Variants in ADAM12 observed in about 807,000 individuals in gnomAD.
ADAM12 encodes disintegrin and metalloproteinase domain-containing protein 12.
Under a neutral mutation model 106.4 loss-of-function variants are expected in ADAM12, and 70 were observed. The observed-to-expected ratio is 0.66, with a 90% CI of 0.54 to 0.80. ADAM12 has a LOEUF of 0.80. Among genes scored for constraint, ADAM12 ranks in the 30% least tolerant of loss-of-function variants. The pLI, the probability that ADAM12 is intolerant of heterozygous loss-of-function variation, is 0.00. For synonymous variants in ADAM12, 420 were observed against 433.5 expected (o/e 0.97, Z 0.39); for missense variants, 1,010 against 1,171.9 (o/e 0.86, Z 2.02).
At chr10:126,152,549 C>G (rs765539249) in intron 4 of ADAM12, among the ~76,000 whole-genome samples, 107 of 151,690 alleles carry the variant, frequency 7.1e-4, no homozygotes, top group Non-Finnish European at 1.4e-3. Context: ...GATGTTACCA[C>G]TACAGCAGCT....
At chr10:126,032,713 A>G (rs1403324637) in intron 21 of ADAM12, among the ~76,000 whole-genome samples, 1 of 152,184 alleles carries the variant, frequency 6.6e-6, no homozygotes, top group Non-Finnish European at 1.5e-5. Flanking sequence ...AAATGCTAAT[A>G]TTGGTGCATT....
chr10:126,131,104 CTTTTTTTTTTTTTTTTT>C (rs71029289), intron 5 of ADAM12, among the ~76,000 whole-genome samples: 2 of 100,936 alleles, frequency 2.0e-5, no homozygotes, highest in Admixed American at 1.1e-4. Flanking sequence ...CAGCTGTCTT[CTTTTTTTTTTTTTTTTT>C]TTTTTTTTTT....
chr10:126,049,924 T>C lies in ADAM12; in HGVS notation c.1610-255A>G, dbSNP rs36150587. Among the ~76,000 whole-genome samples the C allele has an allele frequency of 0.25, 38,051 of 151,208 alleles. 5,711 individuals are homozygous for C. The highest frequency in any genetic ancestry group is 0.54 in the East Asian group (2,780 of 5,112). On this transcript the variant is annotated intron_variant, in intron 14 of 22. Coordinates refer to ENST00000448723, the MANE Select transcript of ADAM12 (RefSeq NM_001288973.2). The surrounding 1 kb of genome is among the most constrained non-coding windows in gnomAD (Gnocchi z 4.4). Reference sequence around the variant, plus strand: ...AGGTCTGCTCTCTGGGCTTGTGGCATGTGTGGCCTCTCAGGAAATGAGGCC... The same window carrying C: ...AGGTCTGCTCTCTGGGCTTGTGGCACGTGTGGCCTCTCAGGAAATGAGGCC...
intron 3 of ADAM12, among the ~76,000 whole-genome samples, chr10:126,233,179 G>A (rs1958346662): frequency 6.6e-6 from 1 of 152,156 alleles, no homozygotes; most frequent in Non-Finnish European, 1.5e-5. Flanking sequence ...GTGTGCGGGA[G>A]AAGAACAGCC....
At chr10:126,180,214 A>C (rs1243006557) in intron 3 of ADAM12, among the ~76,000 whole-genome samples, 1 of 152,238 alleles carries the variant, frequency 6.6e-6, no homozygotes, top group Non-Finnish European at 1.5e-5. Flanking sequence ...CAGATCAAGA[A>C]TGTCCGGAAG....
intron 1 of ADAM12, among the ~76,000 whole-genome samples, chr10:126,347,159 A>G (rs1855172644): frequency 6.6e-6 from 1 of 152,142 alleles, no homozygotes; most frequent in African/African-American, 2.4e-5. Flanking sequence ...AGTGGCTGAT[A>G]CCGGTTGTTC....
chr10:126,271,322 T>C (rs2133736229), intron 3 of ADAM12, among the ~76,000 whole-genome samples: 1 of 152,358 alleles, frequency 6.6e-6, no homozygotes, highest in African/African-American at 2.4e-5. Flanking sequence ...GTTCTGTCCA[T>C]TCTGCCTACT....
At chr10:126,170,443 G>A (rs1178519830) in intron 3 of ADAM12, among the ~76,000 whole-genome samples, 4 of 145,328 alleles carry the variant, frequency 2.8e-5, no homozygotes, top group African/African-American at 1.1e-4. Flanking sequence ...AAAAAAGAGG[G>A]CGGGGGGGGA....
chr10:126,036,462 A>C, intron 20 of ADAM12, 137 bp from the exon 21 acceptor site: 1 of 776,272 alleles, frequency 1.3e-6, no homozygotes, highest in Non-Finnish European at 1.9e-6. Flanking sequence ...AAGGATGTAC[A>C]CAAGAGGGGA....
chr10:126,065,299 G>A (rs999838976), intron 13 of ADAM12, among the ~76,000 whole-genome samples: 2 of 152,210 alleles, frequency 1.3e-5, no homozygotes, highest in African/African-American at 4.8e-5. Context: ...GCACCTCAGA[G>A]GAAGAAGAAG....
At chr10:126,174,758 T>C (rs866657814) in intron 3 of ADAM12, among the ~76,000 whole-genome samples, 1,758 of 107,324 alleles carry the variant, frequency 0.016, 37 homozygotes, top group African/African-American at 0.052. Context: ...TCACCCCCCC[T>C]TTTTTTTTTT....
intron 14 of ADAM12, among the ~76,000 whole-genome samples, chr10:126,061,190 T>C (rs1954748936): frequency 6.6e-6 from 1 of 152,214 alleles, no homozygotes; most frequent in Non-Finnish European, 1.5e-5. Flanking sequence ...AGGATTTGAG[T>C]ACCTTGCTCA....
At chr10:126,148,249 C>T (rs1040844525) in intron 4 of ADAM12, among the ~76,000 whole-genome samples, 2 of 152,166 alleles carry the variant, frequency 1.3e-5, no homozygotes, top group African/African-American at 4.8e-5. Flanking sequence ...CTATAGCCAA[C>T]AAAAAGTGGT....
chr10:126,322,482 G>A (rs1039738606), intron 2 of ADAM12, among the ~76,000 whole-genome samples: 4 of 152,212 alleles, frequency 2.6e-5, no homozygotes, highest in African/African-American at 7.2e-5. Flanking sequence ...GGGTGGCGCT[G>A]GCATCAGTCA....
intron 3 of ADAM12, among the ~76,000 whole-genome samples, chr10:126,167,149 C>T (rs575623979): frequency 2.6e-5 from 4 of 152,338 alleles, no homozygotes; most frequent in Non-Finnish European, 5.9e-5. Context: ...ATTTGAGCTC[C>T]TCCTAAGCAA....
chr10:126,252,907 T>C (rs1378199349), intron 3 of ADAM12, among the ~76,000 whole-genome samples: 1 of 152,222 alleles, frequency 6.6e-6, no homozygotes, highest in Non-Finnish European at 1.5e-5. Context: ...TACTGCCTCC[T>C]GCTCCTTGTA....
At chr10:126,330,360 G>A in intron 2 of ADAM12, 52 bp downstream of exon 2, 1 of 1,441,606 alleles carries the variant, frequency 6.9e-7, no homozygotes, top group Non-Finnish European at 9.6e-7. Flanking sequence ...AGCAGCTAAT[G>A]TGATTTAAAA....
intron 1 of ADAM12, among the ~76,000 whole-genome samples, chr10:126,353,161 C>T (rs1270557866): frequency 6.6e-6 from 1 of 152,180 alleles, no homozygotes; most frequent in African/African-American, 2.4e-5. Flanking sequence ...GGCTGTAACA[C>T]CCTATGAGTG....
At chr10:126,045,972 G>T (rs1392780658) in intron 17 of ADAM12, 83 bp downstream of exon 17, 2 of 1,256,542 alleles carry the variant, frequency 1.6e-6, no homozygotes, top group Non-Finnish European at 2.3e-6. Flanking sequence ...AAATGCTATG[G>T]ATTGCAAAAC....
Sources: gnomAD v4.1 joint callset for allele counts (sites outside exome capture counted in the v4.1 genomes callset) on GRCh38, gnomAD v4.1.1 for gene constraint, Gnocchi (gnomAD v3.1) non-coding constraint, MANE v1.5 for transcripts, NCBI Gene and HGNC (gene_info 2026-07-23, HGNC 2026-07-21) for gene names.